Variants in KMT2A observed in about 807,000 individuals in gnomAD.
The protein encoded by KMT2A is histone-lysine N-methyltransferase 2A.
A neutral mutation model predicts 345.3 loss-of-function variants in KMT2A; 16 were observed. The observed-to-expected ratio is 0.05, with a 90% CI of 0.03 to 0.07. KMT2A has a LOEUF of 0.07. Ranked by LOEUF, KMT2A falls within the 10% of genes least tolerant of loss-of-function variation. The pLI is 1.00. For missense variants in KMT2A, 3,272 were observed against 4,841.6 expected, an observed-to-expected ratio of 0.68 and a Z score of 9.62; for synonymous variants, 1,599 against 1,778.6, an observed-to-expected ratio of 0.90 and a Z score of 2.54.
At chr11:118,444,009 CT>C (rs1555026538) in intron 1 of KMT2A, among the ~76,000 whole-genome samples, 1 of 152,160 alleles carries the variant, frequency 6.6e-6, no homozygotes, top group Non-Finnish European at 1.5e-5. Context: ...ATTATCTATG[CT>C]TTGCTGAAGC....
At chr11:118,468,491 T>TATAGTTTGAA (rs1555034671) in intron 1 of KMT2A, among the ~76,000 whole-genome samples, 1 of 152,240 alleles carries the variant, frequency 6.6e-6, no homozygotes, top group Admixed American at 6.5e-5. Flanking sequence ...GGGCTGTATC[T>TATAGTTTGAA]ATAGTTTGAA....
intron 4 of KMT2A, 58 bp from the exon 5 acceptor site, chr11:118,477,909 T>G: frequency 7.9e-7 from 1 of 1,258,830 alleles, no homozygotes; most frequent in Non-Finnish European, 1.1e-6. Context: ...GGAGTACCAA[T>G]TAAAACCAGG....
At chr11:118,464,619 AGAC>A (rs1191815369) in intron 1 of KMT2A, among the ~76,000 whole-genome samples, 1 of 152,184 alleles carries the variant, frequency 6.6e-6, no homozygotes, top group Non-Finnish European at 1.5e-5. Flanking sequence ...AATCAGCTGC[AGAC>A]AAGTGTAGAG....
intron 31 of KMT2A, among the ~76,000 whole-genome samples, chr11:118,516,117 A>C (rs549611729): frequency 2.3e-4 from 35 of 152,280 alleles, no homozygotes; most frequent in African/African-American, 6.7e-4. Context: ...CCTGTCCATT[A>C]TACTCCATTT....
intron 10 of KMT2A, among the ~76,000 whole-genome samples, chr11:118,485,414 G>T (rs1950210593): frequency 6.6e-6 from 1 of 152,090 alleles, no homozygotes; most frequent in South Asian, 2.1e-4. Context: ...CACAAAATTA[G>T]AAATAAATAC....
Position 118,522,344 on chromosome 11 carries a change from T to A in KMT2A, c.*172T>A, listed in dbSNP as rs1235545718. The A allele has an allele frequency of 1.6e-6, 1 of 634,926 alleles. No homozygotes were observed. Among genetic ancestry groups the A allele is most frequent in the Non-Finnish European group, 2.7e-6 (1 of 372,424 alleles). The allele number at this position is 634,926 out of a possible 1,614,324, so 39.3% of individuals were successfully genotyped here. ...ACTCACATCAGACATGTGATCATAG[T>A]CCCAGAGACAGAGTTGAGGTCTCGA... is the stretch of plus-strand genomic sequence containing the variant. On this transcript the variant is annotated 3_prime_UTR_variant, in exon 36 of 36. Coordinates refer to ENST00000534358, the MANE Select transcript of KMT2A (RefSeq NM_001197104.2). The surrounding 1 kb of genome is among the most constrained non-coding windows in gnomAD (Gnocchi z 5.4).
chr11:118,494,881 G>A lies in KMT2A; in HGVS notation c.5363+114G>A, dbSNP rs1950380025. 3 of 790,438 alleles carry A rather than the reference G, an allele frequency of 3.8e-6. No homozygotes were observed. The highest frequency in any genetic ancestry group is 6.3e-6 in the Non-Finnish European group (3 of 474,034). 49.0% of individuals were successfully genotyped at this position (790,438 alleles called of 1,614,324 possible). A position where few individuals can be genotyped will look rare whatever the true frequency, so the allele number is the denominator to read the frequency against. ...TTTTAATACTAGAAATGAATTGGTTGAAATGCCTTTTCGGTGTGGTTTTGA... is the reference window on the plus strand; with the variant it reads ...TTTTAATACTAGAAATGAATTGGTTAAAATGCCTTTTCGGTGTGGTTTTGA... On this transcript the variant is annotated intron_variant, in intron 18 of 35. Transcript: ENST00000534358. This position sits in a 1 kb window ranked among gnomAD's most constrained non-coding sequence, Gnocchi z 5.8.
At chr11:118,451,808 G>A (rs1425500195) in intron 1 of KMT2A, among the ~76,000 whole-genome samples, 1 of 151,956 alleles carries the variant, frequency 6.6e-6, no homozygotes, top group African/African-American at 2.4e-5. Context: ...TCTTTTTAAT[G>A]AGCTCAGCTT....
intron 31 of KMT2A, among the ~76,000 whole-genome samples, chr11:118,517,915 C>T (rs996625889): frequency 7.9e-5 from 12 of 152,120 alleles, no homozygotes; most frequent in African/African-American, 2.9e-4. Flanking sequence ...GATGAGGTCT[C>T]ACTCTGTTGC....
chr11:118,456,424 C>T (rs374476571), intron 1 of KMT2A, among the ~76,000 whole-genome samples: 1 of 151,898 alleles, frequency 6.6e-6, no homozygotes, highest in Non-Finnish European at 1.5e-5. Context: ...CTGCAACCTC[C>T]GCCTCCTGGG....
At position 118,494,453 on chromosome 11, in the gene KMT2A, G is replaced by A. The variant is rs2276045; in HGVS notation, c.5289+55G>A. The A allele has an allele frequency of 0.055, 54,201 of 984,902 alleles. 1,776 individuals are homozygous for A. Among genetic ancestry groups the A allele is most frequent in the South Asian group, 0.076 (5,587 of 73,748 alleles). 61.0% of individuals were successfully genotyped at this position (984,902 alleles called of 1,614,324 possible). On this transcript the variant is annotated intron_variant, in intron 17 of 35. Transcript: ENST00000534358. The surrounding 1 kb of genome is among the most constrained non-coding windows in gnomAD (Gnocchi z 5.8). ...ATGCTTACCTATAAGTAATTACCCT[G>A]TGAATACAATGAACTTGTTCTCTTC...
chr11:118,490,010 T>C lies in KMT2A; in HGVS notation c.4576-119T>C. The C allele has an allele frequency of 7.0e-7, 1 of 1,429,308 alleles. No homozygotes were observed. The highest frequency in any genetic ancestry group is 9.7e-7 in the Non-Finnish European group (1 of 1,035,366). The allele number at this position is 1,429,308 out of a possible 1,614,324, so 88.5% of individuals were successfully genotyped here. On this transcript the variant is annotated intron_variant, in intron 12 of 35. Coordinates refer to ENST00000534358, the MANE Select transcript of KMT2A (RefSeq NM_001197104.2). The surrounding 1 kb of genome is among the most constrained non-coding windows in gnomAD (Gnocchi z 4.2). ...TATGACAATCTTTTTGCCTCATTAC[T>C]AGGAAATCATCTCAGCAGAGAAATT...
At position 118,501,013 on chromosome 11, in the gene KMT2A, C is replaced by T. The variant is rs145061625; in HGVS notation, c.6185C>T (p.Thr2062Ile). The change falls in exon 25 of 36, where the codon ACA (threonine) becomes ATA (isoleucine). Residue 2062 changes from threonine (T) to isoleucine (I), a missense_variant. Thr to Ile is a moderately conservative substitution (Grantham distance 89, BLOSUM62 -1). Transcript: ENST00000534358. ...TGTTCCAGGGTATACTGGAGCACCACAGATGCTCGCAAGCGCTGTGTATAT... is the reference window on the plus strand; with the variant it reads ...TGTTCCAGGGTATACTGGAGCACCATAGATGCTCGCAAGCGCTGTGTATAT... ...YQCSRVYWST[T>I]DARKRCVYTC... 82 of 1,613,718 alleles carry T rather than the reference C, an allele frequency of 5.1e-5. No homozygotes were observed. The African/African-American group carries it at 9.2e-4, about 18-fold the overall frequency.
intron 4 of KMT2A, among the ~76,000 whole-genome samples, chr11:118,477,497 G>GTTTT (rs1565283646): frequency 3.5e-5 from 2 of 57,326 alleles, no homozygotes; most frequent in Admixed American, 2.2e-4. Flanking sequence ...CAAGTTATTG[G>GTTTT]CTTTTTTTTT....
At chr11:118,447,812 A>G in intron 1 of KMT2A, 1 of 241,460 alleles carries the variant, frequency 4.1e-6, no homozygotes, top group Non-Finnish European at 8.6e-6. Flanking sequence ...GCGGTTTCCC[A>G]GCTCCACTGA....
Position 118,504,457 on chromosome 11 carries a change from T to C in KMT2A, c.8565T>C (p.Phe2855=), listed in dbSNP as rs1469295051. ...TCCTGCCTTCAGACATTATGGACTT[T>C]GTACTAAAGAATACTCCATCCATGC... ...GNILPSDIMD[F]VLKNTPSMQA... The change falls in exon 27 of 36, where the codon TTT becomes TTC. Residue 2855 remains phenylalanine, a synonymous_variant. Transcript: ENST00000534358. This position sits in a 1 kb window ranked among gnomAD's most constrained non-coding sequence, Gnocchi z 6.4. 2 of 1,614,100 alleles carry C rather than the reference T, an allele frequency of 1.2e-6. No homozygotes were observed. Among genetic ancestry groups the C allele is most frequent in the Non-Finnish European group, 8.5e-7 (1 of 1,180,042 alleles).
Position 118,484,786 on chromosome 11 carries a change from A to T in KMT2A, c.4219-76A>T. On this transcript the variant is annotated intron_variant, in intron 9 of 35. Transcript: ENST00000534358. The surrounding 1 kb of genome is among the most constrained non-coding windows in gnomAD (Gnocchi z 4.1). ...GACATTGTGATGTCACACTAATTTT[A>T]TGCTTTTCATCCTTATTTTCCATCC... The T allele has an allele frequency of 1.1e-6, 1 of 939,654 alleles. No homozygotes were observed. The highest frequency in any genetic ancestry group is 1.7e-6 in the Non-Finnish European group (1 of 576,754). The allele number at this position is 939,654 out of a possible 1,614,324, so 58.2% of individuals were successfully genotyped here. A position where few individuals can be genotyped will look rare whatever the true frequency, so the allele number is the denominator to read the frequency against.
chr11:118,517,789 ATGATCATGCTAC>A (rs1338117407), intron 31 of KMT2A, among the ~76,000 whole-genome samples: 1 of 152,140 alleles, frequency 6.6e-6, no homozygotes, highest in Non-Finnish European at 1.5e-5. Context: ...ACAGTGAGCT[ATGATCATGCTAC>A]TGCACTCCAG....
chr11:118,480,310 G>C (rs1490269710), intron 6 of KMT2A, 72 bp downstream of exon 6: 12 of 1,139,006 alleles, frequency 1.1e-5, no homozygotes, highest in Non-Finnish European at 2.6e-6. Context: ...ACACCCAGTA[G>C]AAGAGAATAC....
Sources: allele counts gnomAD v4.1 joint callset (sites outside exome capture counted in the v4.1 genomes callset), GRCh38; gene constraint gnomAD v4.1.1; non-coding constraint Gnocchi (gnomAD v3.1); transcripts MANE v1.5; gene names NCBI Gene and HGNC (gene_info 2026-07-23, HGNC 2026-07-21).